Variants in USH2A observed in about 807,000 individuals in gnomAD.
USH2A encodes Usher syndrome 2A (autosomal recessive, mild).
In USH2A, 443 loss-of-function variants were observed where a neutral mutation model predicts 538.9. The observed-to-expected ratio is 0.82, with a 90% CI of 0.76 to 0.89. The LOEUF (loss-of-function observed/expected upper bound fraction) is 0.89, where lower values mean the gene tolerates loss of function less well. Among genes scored for constraint, USH2A ranks in the 40% least tolerant of loss-of-function variants. USH2A has a pLI of 0.00. For missense variants in USH2A, 6,633 were observed against 6,324.8 expected (o/e 1.05, Z -1.65); for synonymous variants, 2,413 against 2,273.5 (o/e 1.06, Z -1.75).
chr1:216,065,975 G>T (rs979723762), intron 30 of USH2A, among the ~76,000 whole-genome samples: 5 of 151,704 alleles, frequency 3.3e-5, no homozygotes, highest in African/African-American at 1.2e-4. Flanking sequence ...AAGTAGAAAT[G>T]GTCAATAAAT....
At position 216,327,618 on chromosome 1, in the gene USH2A, C is replaced by G; in HGVS notation, c.821G>C (p.Arg274Pro). 6.2e-7 allele frequency: 1 copy of G among 1,613,168 alleles called. No homozygotes were observed. Among genetic ancestry groups the G allele is most frequent in the Non-Finnish European group, 8.5e-7 (1 of 1,179,470 alleles). Residue 274 changes from arginine to proline, a missense_variant, in exon 5 of 72, where the codon CGA becomes CCA. Coordinates refer to ENST00000307340, the MANE Select transcript of USH2A (RefSeq NM_206933.4). ...EQFVGRMQDF[R>P]LYQVALTNRE... The stretch of plus-strand genomic sequence containing the variant: ...GTTTGTAAGTGCCACTTGGTATAAT[C>G]GAAAATCTTGCATTCTTCCGACAAA...
intron 29 of USH2A, among the ~76,000 whole-genome samples, chr1:216,071,088 C>A (rs2031542911): frequency 6.6e-6 from 1 of 152,146 alleles, no homozygotes; most frequent in South Asian, 2.1e-4. Flanking sequence ...GCTGAGTGCA[C>A]TGGGGACACA....
intron 64 of USH2A, among the ~76,000 whole-genome samples, chr1:215,651,058 G>A (rs1217101233): frequency 6.6e-6 from 1 of 152,050 alleles, no homozygotes; most frequent in African/African-American, 2.4e-5. Flanking sequence ...ATTTCAGAAT[G>A]CAGCACGTTG....
chr1:215,854,735 C>T (rs962681137), intron 44 of USH2A, among the ~76,000 whole-genome samples: 11 of 152,138 alleles, frequency 7.2e-5, no homozygotes, highest in Admixed American at 5.9e-4. Context: ...ACTGTGTGTG[C>T]CATTTACATA....
chr1:216,372,447 G>T (rs2038731304), intron 3 of USH2A, among the ~76,000 whole-genome samples: 1 of 152,216 alleles, frequency 6.6e-6, no homozygotes, highest in Middle Eastern at 3.4e-3. Flanking sequence ...TGTGCCCTGG[G>T]TATGATTCTC....
Position 215,758,660 on chromosome 1 carries a change from A to G in USH2A, c.11324T>C (p.Ile3775Thr), listed in dbSNP as rs1247210347. 2.5e-6 allele frequency: 4 copies of G among 1,613,810 alleles called. No homozygotes were observed. In the East Asian group the frequency reaches 6.7e-5, roughly 27 times the overall value. ...TACTGTGATATTATATGGAGGATAG[A>G]TTTCTTCTGGTGTTGACATAGGTGT... ...VQTPMSTPEE[I>T]YPPYNITVIG... The change falls in exon 58 of 72, where the codon ATC becomes ACC. Residue 3775 changes from isoleucine to threonine, a missense_variant. Transcript: ENST00000307340.
intron 30 of USH2A, among the ~76,000 whole-genome samples, chr1:216,049,824 T>G (rs1276284492): frequency 6.6e-6 from 1 of 152,106 alleles, no homozygotes; most frequent in African/African-American, 2.4e-5. Context: ...CTCTAAGTCT[T>G]CATTCCAGCA....
intron 21 of USH2A, among the ~76,000 whole-genome samples, chr1:216,149,680 G>C (rs1383230436): frequency 6.6e-5 from 10 of 152,124 alleles, no homozygotes; most frequent in Non-Finnish European, 1.5e-4. Flanking sequence ...TAGCAGGCTA[G>C]ACAGGAAATT....
rs149106127 is a variant in USH2A, at chr1:216,259,950, G to A, written c.1972-8852C>T. Among the ~76,000 whole-genome samples, 8 of 151,926 alleles carry A rather than the reference G, an allele frequency of 5.3e-5. No homozygotes were observed. In the East Asian group the frequency reaches 5.8e-4, roughly 11 times the overall value. ...AGAAATATAAATAAATATTGGCAAC[G>A]TTCTTGACTAATCAGAGAAACTGCA... On this transcript the variant is annotated intron_variant, in intron 11 of 71. Coordinates refer to ENST00000307340, the MANE Select transcript of USH2A (RefSeq NM_206933.4).
chr1:215,799,793 C>G (rs191145320), intron 49 of USH2A, among the ~76,000 whole-genome samples: 1 of 152,084 alleles, frequency 6.6e-6, no homozygotes, highest in African/African-American at 2.4e-5. Flanking sequence ...CAAGACCAGC[C>G]TGGCCAACAT....
chr1:215,736,928 A>G (rs17025297), intron 60 of USH2A, among the ~76,000 whole-genome samples: 1,929 of 152,116 alleles, frequency 0.013, 69 homozygotes, highest in Admixed American at 0.06. Flanking sequence ...CATATGGTCT[A>G]GTAAAGACAA....
chr1:215,924,794 T>C (rs1355287313), intron 38 of USH2A, among the ~76,000 whole-genome samples: 3 of 152,004 alleles, frequency 2.0e-5, no homozygotes, highest in African/African-American at 7.2e-5. Context: ...TTTTTTTAAG[T>C]CTCTCTCTCT....
intron 49 of USH2A, among the ~76,000 whole-genome samples, chr1:215,804,844 T>C (rs999652913): frequency 9.9e-5 from 15 of 152,178 alleles, no homozygotes; most frequent in African/African-American, 3.6e-4. Context: ...CGTATGTTTA[T>C]TGCGGCACTA....
chr1:216,142,907 C>G (rs1430521102), intron 21 of USH2A, among the ~76,000 whole-genome samples: 2 of 152,126 alleles, frequency 1.3e-5, no homozygotes, highest in Non-Finnish European at 1.5e-5. Flanking sequence ...AAACCCATTA[C>G]TTCTTGAAGT....
chr1:216,083,220 T>G (rs2102559440), intron 26 of USH2A: 1 of 402,306 alleles, frequency 2.5e-6, no homozygotes, highest in East Asian at 4.8e-5. Flanking sequence ...ATTCCTTATA[T>G]CTAGTCTGTT....
chr1:215,783,012 A>G, intron 52 of USH2A, 77 bp from the exon 53 acceptor site: 4 of 1,394,808 alleles, frequency 2.9e-6, no homozygotes, highest in Non-Finnish European at 3.9e-6. Flanking sequence ...TGAATATCAA[A>G]AACTTTAGAC....
chr1:215,740,722 C>G (rs1472031518), intron 60 of USH2A, among the ~76,000 whole-genome samples: 1 of 152,198 alleles, frequency 6.6e-6, no homozygotes, highest in African/African-American at 2.4e-5. Flanking sequence ...AAGCAGTGGT[C>G]CCCAAACTTT....
intron 38 of USH2A, among the ~76,000 whole-genome samples, chr1:215,923,327 T>A (rs921722456): frequency 6.6e-6 from 1 of 152,080 alleles, no homozygotes; most frequent in African/African-American, 2.4e-5. Context: ...AAGGATCAAA[T>A]GACGTCACCA....
At chr1:216,207,231 T>G (rs1282842523) in intron 16 of USH2A, 42 bp downstream of exon 16, 3 of 1,610,774 alleles carry the variant, frequency 1.9e-6, no homozygotes, top group South Asian at 1.1e-5. Context: ...AATGTGTCAA[T>G]TCTCAGAATA....
Sources: gnomAD v4.1 joint callset for allele counts (sites outside exome capture counted in the v4.1 genomes callset) on GRCh38, gnomAD v4.1.1 for gene constraint, MANE v1.5 for transcripts, NCBI Gene and HGNC (gene_info 2026-07-23, HGNC 2026-07-21) for gene names.